The following KCNQ1 variants were observed in gnomAD, a reference collection of about 807,000 sequenced individuals.
KCNQ1 encodes the protein potassium voltage-gated channel subfamily Q member 1, also known as potassium voltage-gated channel subfamily KQT member 1.
A neutral mutation model predicts 72.4 loss-of-function variants in KCNQ1; 49 were observed. The ratio of observed to expected loss-of-function variants is 0.68; its 90% CI spans 0.54 to 0.86. KCNQ1 has a LOEUF of 0.86. Among genes scored for constraint, KCNQ1 ranks in the 40% least tolerant of loss-of-function variants. The pLI is 0.00. For synonymous variants in KCNQ1, 450 were observed against 412.6 expected, an observed-to-expected ratio of 1.09 and a Z score of -1.10; for missense variants, 790 against 945.1, an observed-to-expected ratio of 0.84 and a Z score of 2.15.
At position 2,483,474 on chromosome 11, in the gene KCNQ1, T is replaced by C. The variant is rs1846686700; in HGVS notation, c.386+37990T>C. On this transcript the variant is annotated intron_variant, in intron 1 of 15. Transcript: ENST00000155840. This position sits in a 1 kb window ranked among gnomAD's most constrained non-coding sequence, Gnocchi z 6.1. Reference sequence around the variant, plus strand: ...CTGCAGATCTGATTCAAATCCCGCGTTTTTCTAGCATCCGGTTTCTGTTCT... The same window carrying C: ...CTGCAGATCTGATTCAAATCCCGCGCTTTTCTAGCATCCGGTTTCTGTTCT... Among the ~76,000 whole-genome samples, 1 of 152,010 alleles carries C rather than the reference T, an allele frequency of 6.6e-6. No homozygotes were observed. The highest frequency in any genetic ancestry group is 2.4e-5 in the African/African-American group (1 of 41,358).
chr11:2,832,476 G>A (rs1386910833), intron 15 of KCNQ1, among the ~76,000 whole-genome samples: 2 of 152,142 alleles, frequency 1.3e-5, no homozygotes, highest in Admixed American at 6.5e-5. Flanking sequence ...TCGCTCAGAC[G>A]GGCTCTGCGA....
chr11:2,515,691 G>A lies in KCNQ1; in HGVS notation c.387-12237G>A, dbSNP rs1377671805. 6.6e-6 allele frequency among the ~76,000 whole-genome samples: 1 copy of A among 152,110 alleles called. No homozygotes were observed. Among genetic ancestry groups the A allele is most frequent in the Non-Finnish European group, 1.5e-5 (1 of 67,992 alleles). On this transcript the variant is annotated intron_variant, in intron 1 of 15. Coordinates refer to ENST00000155840, the MANE Select transcript of KCNQ1 (RefSeq NM_000218.3). The surrounding 1 kb of genome is among the most constrained non-coding windows in gnomAD (Gnocchi z 4.7). Reference sequence around the variant, plus strand: ...AGGGCAGATAGGGCCACATCCATGGGGTCACTTCAGTTTGTCCTCCCGGCG... The same window carrying A: ...AGGGCAGATAGGGCCACATCCATGGAGTCACTTCAGTTTGTCCTCCCGGCG...
Position 2,715,532 on chromosome 11 carries a change from C to T in KCNQ1, c.1515-53312C>T, listed in dbSNP as rs1851078346. On this transcript the variant is annotated intron_variant, in intron 11 of 15. Coordinates refer to ENST00000155840, the MANE Select transcript of KCNQ1 (RefSeq NM_000218.3). This position sits in a 1 kb window ranked among gnomAD's most constrained non-coding sequence, Gnocchi z 4.9. ...GCAGCCAGGTAGACTTCGTTTCCAG[C>T]CGGAGTGTACCTGGGGATGCCTGTG... is the stretch of plus-strand genomic sequence containing the variant. 6.6e-6 allele frequency among the ~76,000 whole-genome samples: 1 copy of T among 152,090 alleles called. No homozygotes were observed. The highest frequency in any genetic ancestry group is 2.1e-4 in the South Asian group (1 of 4,830).
In KCNQ1 at chr11:2,471,826, G is replaced by C. The variant is rs941166353; in HGVS notation, c.386+26342G>C. On this transcript the variant is annotated intron_variant, in intron 1 of 15. Transcript: ENST00000155840. The surrounding 1 kb of genome is among the most constrained non-coding windows in gnomAD (Gnocchi z 4.8). ...TATAGGTGTGTGTGCACGTGTATGG[G>C]TGCGTGTGCACCTATGTGTGTATAG... Among the ~76,000 whole-genome samples the C allele has an allele frequency of 1.3e-5, 2 of 151,934 alleles. No individual in the cohort carries two copies. Among genetic ancestry groups the C allele is most frequent in the African/African-American group, 2.4e-5 (1 of 41,320 alleles).
In KCNQ1 at chr11:2,475,502, A is replaced by G. The variant is rs145385781; in HGVS notation, c.386+30018A>G. 6.6e-6 allele frequency among the ~76,000 whole-genome samples: 1 copy of G among 152,336 alleles called. No homozygotes were observed. The highest frequency in any genetic ancestry group is 1.9e-4 in the East Asian group (1 of 5,194). On this transcript the variant is annotated intron_variant, in intron 1 of 15. Coordinates refer to ENST00000155840, the MANE Select transcript of KCNQ1 (RefSeq NM_000218.3). This position sits in a 1 kb window ranked among gnomAD's most constrained non-coding sequence, Gnocchi z 5.8. ...AATTAAGTATGATGCCATCAAAATG[A>G]AAAAATGGCTAAAGATTTTCAAGCA...
intron 10 of KCNQ1, chr11:2,628,317 A>C (rs756147819): frequency 2.5e-6 from 1 of 398,568 alleles, no homozygotes; most frequent in Non-Finnish European, 4.4e-6. Context: ...TGACTTTTTG[A>C]TAATAGCGAT....
intron 11 of KCNQ1, among the ~76,000 whole-genome samples, chr11:2,754,543 C>T (rs1179552932): frequency 1.3e-5 from 2 of 152,080 alleles, no homozygotes; most frequent in Non-Finnish European, 2.9e-5. Flanking sequence ...GCCCATTATC[C>T]CAGTGGACAA....
At chr11:2,694,871 TAAG>T (rs1422284605) in intron 11 of KCNQ1, 10 of 398,414 alleles carry the variant, frequency 2.5e-5, no homozygotes, top group South Asian at 1.3e-4. Flanking sequence ...GAGATTTAAA[TAAG>T]AAGAAGGAAT....
chr11:2,657,085 C>G lies in KCNQ1; in HGVS notation c.1394-4876C>G, dbSNP rs1451215300. The G allele has an allele frequency of 2.5e-6, 1 of 398,532 alleles. No homozygotes were observed. The highest frequency in any genetic ancestry group is 3.6e-5 in the East Asian group (1 of 28,086). The allele number at this position is 398,532 out of a possible 1,614,324, so 24.7% of individuals were successfully genotyped here. On this transcript the variant is annotated intron_variant, in intron 10 of 15. Coordinates refer to ENST00000155840, the MANE Select transcript of KCNQ1 (RefSeq NM_000218.3). The surrounding 1 kb of genome is among the most constrained non-coding windows in gnomAD (Gnocchi z 4.8). ...AATCCTGTCCCATTGGCCTATTTGT[C>G]TCTCCCTGTGTCAATACCACATTGC...
At position 2,691,685 on chromosome 11, in the gene KCNQ1, G is replaced by T; in HGVS notation, c.1514+29604G>T. 2.5e-6 allele frequency: 1 copy of T among 398,574 alleles called. No individual in the cohort carries two copies. The highest frequency in any genetic ancestry group is 4.4e-6 in the Non-Finnish European group (1 of 226,070). The allele number at this position is 398,574 out of a possible 1,614,324, so 24.7% of individuals were successfully genotyped here. ...TGAAACAGAGAACCAGGTGGGGAAG[G>T]GGTCTCTCCCCATCTGTCCAGGGGA... is the stretch of plus-strand genomic sequence containing the variant. On this transcript the variant is annotated intron_variant, in intron 11 of 15. Transcript: ENST00000155840. This position sits in a 1 kb window ranked among gnomAD's most constrained non-coding sequence, Gnocchi z 6.4.
chr11:2,482,583 T>C lies in KCNQ1; in HGVS notation c.386+37099T>C, dbSNP rs1037966086. ...CTCTGACACCTTTGGCCAAATCACC[T>C]TCCGGGAGTGTTTTCCTAATTTAGC... On this transcript the variant is annotated intron_variant, in intron 1 of 15. Transcript: ENST00000155840. This position sits in a 1 kb window ranked among gnomAD's most constrained non-coding sequence, Gnocchi z 5.7. Among the ~76,000 whole-genome samples, 4 of 152,160 alleles carry C rather than the reference T, an allele frequency of 2.6e-5. No homozygotes were observed. Among genetic ancestry groups the C allele is most frequent in the African/African-American group, 9.7e-5 (4 of 41,436 alleles).
intron 15 of KCNQ1, among the ~76,000 whole-genome samples, chr11:2,795,243 C>G (rs1001249404): frequency 7.9e-5 from 12 of 152,364 alleles, no homozygotes; most frequent in African/African-American, 1.9e-4. Context: ...GAACTGGAGG[C>G]CTTCGCCTCG....
intron 2 of KCNQ1, among the ~76,000 whole-genome samples, chr11:2,528,855 C>CTCCGGGG (rs1564807495): frequency 6.6e-6 from 1 of 152,244 alleles, no homozygotes; most frequent in Non-Finnish European, 1.5e-5. Flanking sequence ...GAGCCCGTCC[C>CTCCGGGG]TCCGGGGTCC....
At chr11:2,751,671 TCGGTGAG>T (rs1846228631) in intron 11 of KCNQ1, among the ~76,000 whole-genome samples, 1 of 152,256 alleles carries the variant, frequency 6.6e-6, no homozygotes, top group Non-Finnish European at 1.5e-5. Context: ...AGGGAAGCCC[TCGGTGAG>T]CGTAGCGTTA....
Position 2,752,302 on chromosome 11 carries a change from A to T in KCNQ1, c.1515-16542A>T, listed in dbSNP as rs1191626653. 6.6e-6 allele frequency among the ~76,000 whole-genome samples: 1 copy of T among 151,724 alleles called. No homozygotes were observed. ...GAACCCAGCTGAGTGGCTTCCATGG[A>T]GCTGATCTGAACCCAGTTGAGTGGC... On this transcript the variant is annotated intron_variant, in intron 11 of 15. Coordinates refer to ENST00000155840, the MANE Select transcript of KCNQ1 (RefSeq NM_000218.3). The surrounding 1 kb of genome is among the most constrained non-coding windows in gnomAD (Gnocchi z 5.2).
chr11:2,485,331 C>T (rs1020777210), intron 1 of KCNQ1, among the ~76,000 whole-genome samples: 6 of 151,902 alleles, frequency 3.9e-5, no homozygotes, highest in Non-Finnish European at 5.9e-5. Context: ...AGCCAGGCGC[C>T]CACCCTGCCA....
rs960821189 is a variant in KCNQ1 at position 2,563,961 on chromosome 11, G to A, written c.478-6667G>A. ...CTACAGATGACCACAGCTGGAGTGCGGCAGATACTCGGGGCCGCTGGGTGG... is the reference window on the plus strand; with the variant it reads ...CTACAGATGACCACAGCTGGAGTGCAGCAGATACTCGGGGCCGCTGGGTGG... On this transcript the variant is annotated intron_variant, in intron 2 of 15. Transcript: ENST00000155840. The surrounding 1 kb of genome is among the most constrained non-coding windows in gnomAD (Gnocchi z 7.4). Among the ~76,000 whole-genome samples the A allele has an allele frequency of 1.1e-4, 16 of 152,212 alleles. No homozygotes were observed. Among genetic ancestry groups the A allele is most frequent in the East Asian group, 9.6e-4 (5 of 5,196 alleles).
chr11:2,666,407 A>G (rs1294898878), intron 11 of KCNQ1: 2 of 398,564 alleles, frequency 5.0e-6, no homozygotes, highest in African/African-American at 4.1e-5. Flanking sequence ...GAGCAAAAAC[A>G]GCCCCGTGTG....
chr11:2,585,236 C>T lies in KCNQ1; in HGVS notation c.1057C>T (p.Leu353=). 2 of 1,614,098 alleles carry T rather than the reference C, an allele frequency of 1.2e-6. No individual in the cohort carries two copies. The highest frequency in any genetic ancestry group is 1.1e-5 in the South Asian group (1 of 91,084). Residue 353 remains leucine (L), a synonymous_variant, in exon 8 of 16, where the codon CTG becomes TTG. Coordinates refer to ENST00000155840, the MANE Select transcript of KCNQ1 (RefSeq NM_000218.3). ...GGGGATTCTTGGCTCGGGGTTTGCC[C>T]TGAAGGTGCAGCAGAAGCAGAGGCA... ...PAGILGSGFA[L]KVQQKQRQKH... is the part of the protein sequence containing the mutation.
Sources: allele counts gnomAD v4.1 joint callset (sites outside exome capture counted in the v4.1 genomes callset), GRCh38; gene constraint gnomAD v4.1.1; non-coding constraint Gnocchi (gnomAD v3.1); transcripts MANE v1.5; gene names NCBI Gene and HGNC (gene_info 2026-07-23, HGNC 2026-07-21).